UBE4B: variants seen among roughly 807,000 people sequenced by gnomAD.
The protein encoded by UBE4B is ubiquitination factor E4B.
A neutral mutation model predicts 148.1 loss-of-function variants in UBE4B; 27 were observed. The ratio of observed to expected loss-of-function variants is 0.18; its 90% CI spans 0.13 to 0.25. UBE4B has a LOEUF of 0.25. UBE4B is among the 10% of genes least tolerant of loss of function. UBE4B has a pLI of 1.00. For missense variants in UBE4B, 1,170 were observed against 1,662.4 expected (o/e 0.70, Z 5.15); for synonymous variants, 596 against 619.3 (o/e 0.96, Z 0.56).
At chr1:10,040,897 G>C (rs929344464) in intron 1 of UBE4B, among the ~76,000 whole-genome samples, 1 of 152,042 alleles carries the variant, frequency 6.6e-6, no homozygotes, top group Admixed American at 6.6e-5. Context: ...TGGGATTACC[G>C]GCGTGAGCCA....
intron 1 of UBE4B, chr1:10,059,275 G>A (rs1205433100): frequency 6.6e-6 from 1 of 152,248 alleles, no homozygotes; most frequent in Non-Finnish European, 1.5e-5. Context: ...CTCTGATGGA[G>A]CTGAACATTT....
chr1:10,157,844 T>C (rs1646099109), intron 21 of UBE4B, among the ~76,000 whole-genome samples: 1 of 152,184 alleles, frequency 6.6e-6, no homozygotes, highest in Admixed American at 6.5e-5. Context: ...GCTTTTGCCA[T>C]TTGGACAAAC....
intron 1 of UBE4B, among the ~76,000 whole-genome samples, chr1:10,051,833 A>AG (rs1232684968): frequency 3.9e-5 from 6 of 152,174 alleles, no homozygotes; most frequent in East Asian, 1.9e-4. Flanking sequence ...CCCTCCCAGC[A>AG]GGGGGAGAAA....
chr1:10,145,235 A>G, intron 18 of UBE4B, 196 bp downstream of exon 18: 1 of 440,048 alleles, frequency 2.3e-6, no homozygotes, highest in Admixed American at 3.7e-5. Context: ...GTCTCAGGAC[A>G]GAATATGGAT....
At chr1:10,176,788 T>TC (rs1392479400) in intron 25 of UBE4B, among the ~76,000 whole-genome samples, 4 of 144,106 alleles carry the variant, frequency 2.8e-5, no homozygotes, top group Non-Finnish European at 4.6e-5. Context: ...CTTTTTCTTT[T>TC]TTTTTTTTTT....
rs993544272 is a variant in UBE4B, at chr1:10,154,168, G to A, written c.2926+2607G>A. ...TGAGGCAGGAGAATCTCTTGAACCC[G>A]GGAGGCAGAGGTTGCAATGAGCCAA... On this transcript the variant is annotated intron_variant, in intron 21 of 27. Coordinates refer to ENST00000343090, the MANE Select transcript of UBE4B (RefSeq NM_001105562.3). 7.9e-5 allele frequency among the ~76,000 whole-genome samples: 12 copies of A among 152,054 alleles called. 1 individual carries two copies. The highest frequency in any genetic ancestry group is 4.1e-4 in the South Asian group (2 of 4,822).
chr1:10,142,970 TGGTAACGCACCCCTGTAGTC>T (rs1645807032), intron 17 of UBE4B, among the ~76,000 whole-genome samples: 1 of 151,682 alleles, frequency 6.6e-6, no homozygotes, highest in South Asian at 2.1e-4. Flanking sequence ...TAGCCAGGCA[TGGTAACGCACCCCTGTAGTC>T]GCCACTACTC....
In UBE4B at chr1:10,130,802, G is replaced by C; in HGVS notation, c.1900G>C (p.Glu634Gln). 1 of 1,614,122 alleles carries C rather than the reference G, an allele frequency of 6.2e-7. No homozygotes were observed. Among genetic ancestry groups the C allele is most frequent in the Non-Finnish European group, 8.5e-7 (1 of 1,179,982 alleles). ...TAGCCAATCATTGCAGCATTACTTA[G>C]AGCTCGGAAGGGTAAGTGTTCAGAA... ...VVSQSLQHYL[E>Q]LGRQELFKIL... Residue 634 changes from glutamate to glutamine, a missense_variant, in exon 14 of 28, where the codon GAG (glutamate) becomes CAG (glutamine). This residue lies in a region of UBE4B where 388 missense variants were observed against 536.0 expected (regional missense o/e 0.72). Coordinates refer to ENST00000343090, the MANE Select transcript of UBE4B (RefSeq NM_001105562.3).
chr1:10,044,424 A>G (rs1450545673), intron 1 of UBE4B, among the ~76,000 whole-genome samples: 1 of 152,056 alleles, frequency 6.6e-6, no homozygotes. Context: ...TTTTGGCACC[A>G]GGGACTGGTT....
chr1:10,050,721 CTTT>C (rs1174636299), intron 1 of UBE4B, among the ~76,000 whole-genome samples: 3 of 133,390 alleles, frequency 2.2e-5, no homozygotes. Context: ...GACTCCTATT[CTTT>C]TTTTTTTTTT....
chr1:10,071,938 C>A, intron 1 of UBE4B, 90 bp from the exon 2 acceptor site: 1 of 1,342,964 alleles, frequency 7.4e-7, no homozygotes, highest in South Asian at 1.6e-5. Flanking sequence ...AGTTGTTAAA[C>A]TCTGGTTTGG....
intron 21 of UBE4B, among the ~76,000 whole-genome samples, chr1:10,152,993 G>A (rs771047553): frequency 1.3e-5 from 2 of 151,884 alleles, no homozygotes; most frequent in South Asian, 2.1e-4. Flanking sequence ...TGTCTCTCTC[G>A]GGGGTTGTGC....
chr1:10,148,225 C>CAA (rs371861742), intron 19 of UBE4B, among the ~76,000 whole-genome samples: 14 of 121,688 alleles, frequency 1.2e-4, no homozygotes, highest in African/African-American at 3.1e-4. Context: ...GACTCCATCT[C>CAA]AAAAAAAAAA....
intron 25 of UBE4B, among the ~76,000 whole-genome samples, chr1:10,176,479 T>G (rs984106968): frequency 6.6e-6 from 1 of 152,210 alleles, no homozygotes; most frequent in African/African-American, 2.4e-5. Flanking sequence ...GGTTTAAGTT[T>G]CCATTCTTTT....
At chr1:10,139,591 A>G (rs1031686442) in intron 17 of UBE4B, among the ~76,000 whole-genome samples, 7 of 152,162 alleles carry the variant, frequency 4.6e-5, no homozygotes, top group Non-Finnish European at 2.9e-5. Context: ...ATATAAGACT[A>G]TTTAGATTTT....
chr1:10,045,426 G>C (rs1643891774), intron 1 of UBE4B, among the ~76,000 whole-genome samples: 2 of 152,184 alleles, frequency 1.3e-5, no homozygotes, highest in African/African-American at 4.8e-5. Context: ...GGCTATGAGA[G>C]CCTGGTGTAA....
chr1:10,138,557 A>G (rs1645734324), intron 17 of UBE4B, among the ~76,000 whole-genome samples: 1 of 152,154 alleles, frequency 6.6e-6, no homozygotes, highest in Admixed American at 6.5e-5. Flanking sequence ...TAATTCTAAT[A>G]GTTAACTCTG....
intron 7 of UBE4B, among the ~76,000 whole-genome samples, chr1:10,116,472 G>A (rs1170995162): frequency 6.6e-6 from 1 of 152,090 alleles, no homozygotes; most frequent in African/African-American, 2.4e-5. Context: ...TCTTCTGTAT[G>A]TAGGTTTTTT....
intron 10 of UBE4B, among the ~76,000 whole-genome samples, chr1:10,124,693 TATCTA>T (rs1557575483): frequency 6.6e-6 from 1 of 152,128 alleles, no homozygotes; most frequent in Non-Finnish European, 1.5e-5. Context: ...TTGACTGAAA[TATCTA>T]CCTCCTTTTA....
Sources: gnomAD v4.1 joint callset for allele counts (sites outside exome capture counted in the v4.1 genomes callset) on GRCh38, gnomAD v4.1.1 for gene constraint, gnomAD v4.1.1 regional missense constraint, MANE v1.5 for transcripts, NCBI Gene and HGNC (gene_info 2026-07-23, HGNC 2026-07-21) for gene names.